MORN5: variants seen among roughly 807,000 people sequenced by gnomAD.
The protein encoded by MORN5 is MORN repeat containing 5, also known as MORN repeat-containing protein 5.
In MORN5, 21 loss-of-function variants were observed where a neutral mutation model predicts 22.1. The ratio of observed to expected loss-of-function variants is 0.95; its 90% confidence interval spans 0.67 to 1.37. The LOEUF (loss-of-function observed/expected upper bound fraction) is 1.37. MORN5 is among the 40% of genes most tolerant of loss of function. MORN5 has a pLI of 0.00. For missense variants in MORN5, 211 were observed against 215.1 expected (o/e 0.98, Z 0.12); for synonymous variants, 73 against 74.0 (o/e 0.99, Z 0.07).
intron 4 of MORN5, among the ~76,000 whole-genome samples, chr9:122,184,581 A>G (rs1829584183): frequency 6.6e-6 from 1 of 152,264 alleles, no homozygotes; most frequent in Non-Finnish European, 1.5e-5. Flanking sequence ...AAAGGTATCC[A>G]TATTTTATTT....
In MORN5 at chr9:122,199,921, G is replaced by GA; in HGVS notation, c.479dup (p.Ter162LeufsTer3). 1 of 1,613,958 alleles carries GA rather than the reference G, an allele frequency of 6.2e-7. No individual in the cohort carries two copies. Among genetic ancestry groups the GA allele is most frequent in the Non-Finnish European group, 8.5e-7 (1 of 1,179,900 alleles). On this transcript the variant is annotated frameshift_variant, in exon 5 of 5. Transcript: ENST00000373764. LOFTEE classifies it high-confidence loss of function. ...CATGAGTGGATCACCCGTACCTGTC[G>GA]AAAGGGCTAGGATGAGATCGTGGGT...
At chr9:122,188,516 T>C (rs1006298724) in intron 4 of MORN5, among the ~76,000 whole-genome samples, 7 of 152,236 alleles carry the variant, frequency 4.6e-5, no homozygotes, top group African/African-American at 1.7e-4. Context: ...GGCTCCCGCC[T>C]GCCGGGGCCC....
intron 3 of MORN5, among the ~76,000 whole-genome samples, chr9:122,172,852 C>T (rs1829385412): frequency 6.6e-6 from 1 of 152,170 alleles, no homozygotes; most frequent in South Asian, 2.1e-4. Context: ...AGAAATATTT[C>T]CTAAGCTCCT....
chr9:122,173,836 GA>G (rs999037526), intron 3 of MORN5, among the ~76,000 whole-genome samples: 2 of 152,140 alleles, frequency 1.3e-5, no homozygotes, highest in Non-Finnish European at 2.9e-5. Context: ...ATAACCTTGG[GA>G]AAGTTACTTT....
At chr9:122,199,042 G>A (rs1829955612) in intron 4 of MORN5, among the ~76,000 whole-genome samples, 1 of 152,194 alleles carries the variant, frequency 6.6e-6, no homozygotes, top group Non-Finnish European at 1.5e-5. Flanking sequence ...GTTTGGAGGA[G>A]AAAGGAGGAA....
chr9:122,194,641 G>A (rs900289018), intron 4 of MORN5, among the ~76,000 whole-genome samples: 1 of 152,170 alleles, frequency 6.6e-6, no homozygotes, highest in African/African-American at 2.4e-5. Context: ...AGCACCTACT[G>A]TATGCTGGGT....
intron 4 of MORN5, among the ~76,000 whole-genome samples, chr9:122,180,485 C>T (rs1829522128): frequency 3.9e-5 from 6 of 151,988 alleles, no homozygotes; most frequent in Admixed American, 3.9e-4. Flanking sequence ...GGGGTTTCAC[C>T]ATGTTAGCTG....
intron 2 of MORN5, among the ~76,000 whole-genome samples, chr9:122,168,146 G>A (rs1829314814): frequency 2.6e-5 from 4 of 152,148 alleles, no homozygotes; most frequent in Non-Finnish European, 1.5e-5. Flanking sequence ...GGACATCTTT[G>A]GGGGACCATT....
intron 4 of MORN5, among the ~76,000 whole-genome samples, chr9:122,189,371 A>T (rs1829709096): frequency 6.6e-6 from 1 of 152,070 alleles, no homozygotes; most frequent in Admixed American, 6.6e-5. Context: ...AAGTGGGAGG[A>T]TTGCTTGAAG....
intron 2 of MORN5, among the ~76,000 whole-genome samples, chr9:122,168,374 A>G (rs1366070380): frequency 1.3e-5 from 2 of 152,202 alleles, no homozygotes; most frequent in Non-Finnish European, 2.9e-5. Flanking sequence ...TGATTTATAT[A>G]CAGAAGTTTC....
chr9:122,194,202 C>T (rs1174661400), intron 4 of MORN5, among the ~76,000 whole-genome samples: 1 of 152,186 alleles, frequency 6.6e-6, no homozygotes, highest in Non-Finnish European at 1.5e-5. Flanking sequence ...TCAGTCCCAC[C>T]TGTCCCTAAC....
intron 4 of MORN5, among the ~76,000 whole-genome samples, chr9:122,188,457 C>T (rs1286959627): frequency 6.6e-6 from 1 of 152,248 alleles, no homozygotes; most frequent in Non-Finnish European, 1.5e-5. Context: ...TGACTGTTGC[C>T]ACTGCTCTAG....
intron 3 of MORN5, among the ~76,000 whole-genome samples, chr9:122,173,906 G>T (rs12340747): frequency 1.3e-5 from 2 of 152,164 alleles, no homozygotes; most frequent in African/African-American, 2.4e-5. Context: ...CTGCTCTCAG[G>T]ATTAAATAAA....
In MORN5 at chr9:122,166,863, T is replaced by C. The variant is rs1302664042; in HGVS notation, c.143T>C (p.Phe48Ser). 3 of 1,613,718 alleles carry C rather than the reference T, an allele frequency of 1.9e-6. No homozygotes were observed. In the African/African-American group the frequency reaches 4.0e-5, roughly 22 times the overall value. ...GMFHGEGTLY[F>S]PSGSQYDAIW... ...TTTCACGGCGAGGGAACCCTGTACT[T>C]CCCCAGCGGAAGCCAATACGACGCC... is the stretch of plus-strand genomic sequence containing the variant. The change falls in exon 2 of 5, where the codon TTC becomes TCC. Residue 48 changes from phenylalanine (F) to serine (S), a missense_variant. Physicochemically the swap from Phe to Ser is radical, Grantham distance 155. Coordinates refer to ENST00000373764, the MANE Select transcript of MORN5 (RefSeq NM_198469.4).
rs186347759 is a variant in MORN5, at chr9:122,167,758, G to T, written c.195+843G>T. 6.6e-5 allele frequency among the ~76,000 whole-genome samples: 10 copies of T among 152,290 alleles called. No homozygotes were observed. In the East Asian group the frequency reaches 1.5e-3, roughly 23 times the overall value. ...AATTTAGTCTGAAATCAGCACAAAT[G>T]TATTATCTTACAGTTCTAGAGCTCA... On this transcript the variant is annotated intron_variant, in intron 2 of 4. Transcript: ENST00000373764.
At chr9:122,177,982 T>G (rs1239889686) in intron 4 of MORN5, among the ~76,000 whole-genome samples, 1 of 152,226 alleles carries the variant, frequency 6.6e-6, no homozygotes, top group African/African-American at 2.4e-5. Context: ...CTGAAGAGTT[T>G]ATAACCTACA....
chr9:122,189,141 G>C (rs557314810), intron 4 of MORN5, among the ~76,000 whole-genome samples: 1 of 151,918 alleles, frequency 6.6e-6, no homozygotes, highest in African/African-American at 2.4e-5. Context: ...GTTGCAGTGA[G>C]CCAAGATCAC....
intron 1 of MORN5, among the ~76,000 whole-genome samples, chr9:122,160,436 T>G (rs553311108): frequency 1.3e-5 from 2 of 152,316 alleles, no homozygotes; most frequent in East Asian, 3.9e-4. Context: ...GTCGCTTCCT[T>G]CCAGGAGGAG....
chr9:122,184,460 C>T (rs914366431), intron 4 of MORN5, among the ~76,000 whole-genome samples: 4 of 152,186 alleles, frequency 2.6e-5, no homozygotes, highest in African/African-American at 9.7e-5. Flanking sequence ...CTGGAAACAT[C>T]CTCAGTGTCC....
Sources: allele counts gnomAD v4.1 joint callset (sites outside exome capture counted in the v4.1 genomes callset), GRCh38; gene constraint gnomAD v4.1.1; transcripts MANE v1.5; gene names NCBI Gene and HGNC (gene_info 2026-07-23, HGNC 2026-07-21).